The following ODF2 variants were observed in gnomAD, a reference collection of about 807,000 sequenced individuals.
ODF2 encodes outer dense fiber of sperm tails 2.
A neutral mutation model predicts 110.2 loss-of-function variants in ODF2; 47 were observed. That is an observed-to-expected ratio of 0.43 (90% CI 0.34 to 0.54). The LOEUF is 0.54. Among genes scored for constraint, ODF2 ranks in the 20% least tolerant of loss-of-function variants. The pLI, the probability that ODF2 is intolerant of heterozygous loss-of-function variation, is 0.03. For synonymous variants in ODF2, 352 were observed against 397.7 expected (o/e 0.89, Z 1.37); for missense variants, 812 against 1,054.5 (o/e 0.77, Z 3.19).
intron 5 of ODF2, among the ~76,000 whole-genome samples, chr9:128,470,168 G>A (rs1315862095): frequency 6.7e-5 from 10 of 149,414 alleles, no homozygotes; most frequent in Non-Finnish European, 1.3e-4. Flanking sequence ...GGAAGTCCAA[G>A]GTCCCCAACT....
intron 14 of ODF2, 38 bp from the exon 15 acceptor site, chr9:128,492,388 A>T (rs374733413): frequency 9.3e-5 from 132 of 1,424,418 alleles, no homozygotes; most frequent in Non-Finnish European, 1.2e-4. Context: ...CCTGAAGCAG[A>T]ACCTTCCTGT....
At position 128,460,540 on chromosome 9, in the gene ODF2, C is replaced by G. The variant is rs753096885; in HGVS notation, c.124-402C>G. 20 of 1,613,366 alleles carry G rather than the reference C, an allele frequency of 1.2e-5. No homozygotes were observed. The highest frequency in any genetic ancestry group is 1.6e-5 in the Non-Finnish European group (19 of 1,179,796). On this transcript the variant is annotated intron_variant, in intron 3 of 20. Transcript: ENST00000604420. ...CAACCATTTTTGTGTTGTCCTCCCC[C>G]ACCTGCCAGAAGCCAACCATGAAGG...
At chr9:128,492,310 T>C (rs1844769112) in intron 14 of ODF2, 116 bp from the exon 15 acceptor site, 1 of 720,548 alleles carries the variant, frequency 1.4e-6, no homozygotes, top group South Asian at 1.5e-5. Flanking sequence ...GGGAAAGTGC[T>C]CTGTGGGTTA....
chr9:128,464,396 C>T (rs1006759733), intron 4 of ODF2, among the ~76,000 whole-genome samples: 41 of 151,936 alleles, frequency 2.7e-4, no homozygotes, highest in African/African-American at 8.9e-4. Context: ...CCTCGTGATC[C>T]GCCCGCCTTG....
chr9:128,456,586 C>G (rs996849847), intron 1 of ODF2: 1 of 1,522,552 alleles, frequency 6.6e-7, no homozygotes, highest in Non-Finnish European at 8.8e-7. Flanking sequence ...GGTGGGTGGC[C>G]GTCCCTTCTC....
At chr9:128,460,088 C>G in intron 3 of ODF2, 1 of 1,230,160 alleles carries the variant, frequency 8.1e-7, no homozygotes, top group African/African-American at 1.5e-5. Flanking sequence ...GTTCTTTGAT[C>G]TGCCTGCTCT....
Position 128,483,926 on chromosome 9 carries a change from G to A in ODF2, c.988-12G>A, listed in dbSNP as rs745408983. On this transcript the variant is annotated splice_polypyrimidine_tract_variant and intron_variant, in intron 10 of 20. Transcript: ENST00000604420. Reference sequence around the variant, plus strand: ...AAATTGTGCCTCCATCACTTTTTCCGTCTCTCCACAGGCTCAAGCAAAGAC... The same window carrying A: ...AAATTGTGCCTCCATCACTTTTTCCATCTCTCCACAGGCTCAAGCAAAGAC... 43 of 1,596,364 alleles carry A rather than the reference G, an allele frequency of 2.7e-5. No individual in the cohort carries two copies. Among genetic ancestry groups the A allele is most frequent in the Admixed American group, 5.0e-5 (3 of 59,920 alleles).
At chr9:128,498,359 T>G (rs1589016638) in intron 18 of ODF2, 54 bp from the exon 19 acceptor site, 6 of 1,440,622 alleles carry the variant, frequency 4.2e-6, no homozygotes, top group East Asian at 5.2e-5. Flanking sequence ...CCTGGCGGGG[T>G]GGAACATGAC....
At chr9:128,483,345 G>A (rs1434718431) in intron 10 of ODF2, among the ~76,000 whole-genome samples, 2 of 152,118 alleles carry the variant, frequency 1.3e-5, no homozygotes, top group African/African-American at 4.8e-5. Flanking sequence ...GGCCAATGCA[G>A]GAGGACTCAT....
intron 1 of ODF2, 123 bp downstream of exon 1, chr9:128,456,378 T>G (rs1384329962): frequency 1.4e-6 from 2 of 1,427,754 alleles, no homozygotes; most frequent in African/African-American, 3.1e-5. Context: ...CCCCGCCGCG[T>G]TGCGCTCGTC....
intron 4 of ODF2, chr9:128,461,272 C>A: frequency 4.9e-6 from 3 of 610,482 alleles, no homozygotes; most frequent in Non-Finnish European, 8.4e-6. Context: ...TGTCCAAAGG[C>A]AGAGATGAGG....
chr9:128,460,422 G>A (rs1363115280), intron 3 of ODF2, 128 bp from the exon 3 acceptor site: 3 of 1,481,814 alleles, frequency 2.0e-6, no homozygotes, highest in Non-Finnish European at 2.7e-6. Flanking sequence ...GCCAGTAGTT[G>A]GTAGCTGTCC....
At chr9:128,456,475 T>C in intron 1 of ODF2, 1 of 1,522,138 alleles carries the variant, frequency 6.6e-7, no homozygotes, top group Non-Finnish European at 8.8e-7. Flanking sequence ...GCCGCCTCCT[T>C]CCTCTCTTGG....
rs751651933 is a variant in ODF2 at position 128,498,388 on chromosome 9, G to A, written c.2013-25G>A. 1.0e-5 allele frequency: 16 copies of A among 1,546,788 alleles called. No individual in the cohort carries two copies. In the South Asian group the frequency reaches 1.6e-4, roughly 16 times the overall value. ...ACATGACAGGTTGGGGTATGCCCAG[G>A]ATCTGATTGAGTGCTTTCACCTAGG... is the stretch of plus-strand genomic sequence containing the variant. On this transcript the variant is annotated intron_variant, in intron 18 of 20. Transcript: ENST00000604420.
At chr9:128,468,164 T>C (rs1838790316) in intron 4 of ODF2, among the ~76,000 whole-genome samples, 1 of 152,186 alleles carries the variant, frequency 6.6e-6, no homozygotes, top group Non-Finnish European at 1.5e-5. Context: ...CTTTTTCCAA[T>C]TTACCCACTT....
chr9:128,468,401 G>C (rs1486277914), intron 4 of ODF2, among the ~76,000 whole-genome samples: 1 of 152,118 alleles, frequency 6.6e-6, no homozygotes, highest in African/African-American at 2.4e-5. Context: ...GTTTCGCTCT[G>C]TCACCCAGGC....
chr9:128,498,250 G>C, intron 18 of ODF2, 163 bp from the exon 19 acceptor site: 1 of 1,097,656 alleles, frequency 9.1e-7, no homozygotes, highest in Non-Finnish European at 1.2e-6. Context: ...CAGTTCTTTG[G>C]TCGCCTTGCT....
intron 13 of ODF2, among the ~76,000 whole-genome samples, chr9:128,487,189 C>G (rs1366939727): frequency 2.6e-5 from 4 of 152,216 alleles, no homozygotes; most frequent in Admixed American, 6.5e-5. Flanking sequence ...TCAAGCAATC[C>G]TCCCACCTTG....
exon 14 of ODF2, chr9:128,487,939 C>T (rs763916576): frequency 3.7e-5 from 59 of 1,613,864 alleles, no homozygotes; most frequent in Non-Finnish European, 4.8e-5. Context: ...GGAGAAGATG[C>T]GGGAAGACCG....
Sources: allele counts gnomAD v4.1 joint callset (sites outside exome capture counted in the v4.1 genomes callset), GRCh38; gene constraint gnomAD v4.1.1; transcripts MANE v1.5; gene names NCBI Gene and HGNC (gene_info 2026-07-23, HGNC 2026-07-21).